The following PIBF1 variants were observed in gnomAD, a reference collection of about 807,000 sequenced individuals.
PIBF1 encodes the protein progesterone immunomodulatory binding factor 1.
In PIBF1, 90 loss-of-function variants were observed where a neutral mutation model predicts 112.5. The ratio of observed to expected loss-of-function variants is 0.80; its 90% CI spans 0.67 to 0.95. The LOEUF is 0.95. Among genes scored for constraint, PIBF1 ranks in the 40% least tolerant of loss-of-function variants. The pLI is 0.00. For synonymous variants in PIBF1, 301 were observed against 288.6 expected (o/e 1.04, Z -0.44); for missense variants, 915 against 852.3 (o/e 1.07, Z -0.92).
At chr13:72,971,260 T>C (rs1196055606) in intron 15 of PIBF1, among the ~76,000 whole-genome samples, 1 of 151,570 alleles carries the variant, frequency 6.6e-6, no homozygotes, top group Non-Finnish European at 1.5e-5. Flanking sequence ...TATACCGTGG[T>C]TATAAGTGTA....
intron 14 of PIBF1, among the ~76,000 whole-genome samples, chr13:72,952,211 G>C (rs186365085): frequency 1.3e-5 from 2 of 151,768 alleles, no homozygotes; most frequent in Non-Finnish European, 2.9e-5. Context: ...ACACCACCAT[G>C]CCCAGCTAAT....
At chr13:72,840,904 G>A (rs2138238447) in intron 9 of PIBF1, among the ~76,000 whole-genome samples, 1 of 152,294 alleles carries the variant, frequency 6.6e-6, no homozygotes, top group South Asian at 2.1e-4. Context: ...CTATACATTG[G>A]AGGATATTAA....
Position 72,797,888 on chromosome 13 carries a change from T to C in PIBF1, c.553-19T>C, listed in dbSNP as rs1240123642. On this transcript the variant is annotated intron_variant, in intron 4 of 17. Transcript: ENST00000326291. ...GTAATTTGGATTTAAGACTGCTTAT[T>C]AATTTAATTTTTTTCAAGGTTCGCT... 1.3e-6 allele frequency: 2 copies of C among 1,569,530 alleles called. No individual in the cohort carries two copies. Among genetic ancestry groups the C allele is most frequent in the Non-Finnish European group, 1.7e-6 (2 of 1,161,216 alleles).
At chr13:72,923,441 A>G (rs755480657) in intron 13 of PIBF1, among the ~76,000 whole-genome samples, 8 of 152,234 alleles carry the variant, frequency 5.3e-5, no homozygotes, top group Non-Finnish European at 1.2e-4. Flanking sequence ...TACAACCAAT[A>G]TACTGGTGGT....
chr13:72,814,959 A>G (rs972874366), intron 5 of PIBF1, among the ~76,000 whole-genome samples: 4 of 152,224 alleles, frequency 2.6e-5, no homozygotes, highest in African/African-American at 9.6e-5. Flanking sequence ...AACAGTTACC[A>G]TAGAGGTATT....
intron 14 of PIBF1, among the ~76,000 whole-genome samples, chr13:72,951,968 C>G (rs2042308862): frequency 6.6e-6 from 1 of 151,952 alleles, no homozygotes; most frequent in African/African-American, 2.4e-5. Context: ...GCCTCGGCCT[C>G]CCCAGGTGCA....
At chr13:72,975,825 C>G (rs528889684) in intron 16 of PIBF1, among the ~76,000 whole-genome samples, 5 of 152,208 alleles carry the variant, frequency 3.3e-5, no homozygotes, top group Admixed American at 2.6e-4. Context: ...AAACCTGATT[C>G]ATTCACTATG....
rs563392997 is a variant in PIBF1, at chr13:72,815,935, CA to C, written c.673-5912del. 2.0e-5 allele frequency among the ~76,000 whole-genome samples: 3 copies of C among 152,308 alleles called. No homozygotes were observed. In the South Asian group the frequency reaches 6.2e-4, roughly 32 times the overall value. Reference sequence around the variant, plus strand: ...ATGTGATACTTTTAAGATAATTTAGCAACTTGGTCTCTTTAACATTAAGATT... The same window carrying C: ...ATGTGATACTTTTAAGATAATTTAGCACTTGGTCTCTTTAACATTAAGATT... On this transcript the variant is annotated intron_variant, in intron 5 of 17. Transcript: ENST00000326291.
chr13:72,998,890 C>T lies in PIBF1; in HGVS notation c.2118C>T (p.Leu706=). The change falls in exon 17 of 18, where the codon CTC becomes CTT. Residue 706 remains leucine (L), a synonymous_variant. Transcript: ENST00000326291. ...HSKHSENSLL[L]TKTEPKHVTE... is the part of the protein sequence containing the mutation. The stretch of plus-strand genomic sequence containing the variant: ...AACATTCTGAGAACAGCTTACTTCT[C>T]ACTAAAACAGAACCAAAACATGTGA... 1 of 1,612,200 alleles carries T rather than the reference C, an allele frequency of 6.2e-7. No individual in the cohort carries two copies. The highest frequency in any genetic ancestry group is 8.5e-7 in the Non-Finnish European group (1 of 1,178,566).
intron 2 of PIBF1, 64 bp from the exon 3 acceptor site, chr13:72,792,383 A>G (rs1481601968): frequency 6.1e-6 from 6 of 988,030 alleles, no homozygotes; most frequent in Non-Finnish European, 9.3e-6. Flanking sequence ...AAATATGTTT[A>G]TTATGAAACT....
intron 5 of PIBF1, among the ~76,000 whole-genome samples, chr13:72,801,815 A>G (rs997075019): frequency 1.3e-5 from 2 of 152,216 alleles, no homozygotes; most frequent in African/African-American, 4.8e-5. Context: ...CACCATGGGA[A>G]CCATATGAAG....
chr13:72,926,720 T>TC (rs1484645518), intron 13 of PIBF1, among the ~76,000 whole-genome samples: 1 of 152,242 alleles, frequency 6.6e-6, no homozygotes, highest in East Asian at 1.9e-4. Context: ...CCCTAGCACT[T>TC]CATCCTCTAC....
chr13:72,948,699 C>A (rs995577852), intron 14 of PIBF1, among the ~76,000 whole-genome samples: 3 of 152,214 alleles, frequency 2.0e-5, no homozygotes, highest in Non-Finnish European at 4.4e-5. Context: ...AATTGATTCA[C>A]AGATCCACAG....
chr13:72,862,093 C>T (rs916107610), intron 10 of PIBF1, among the ~76,000 whole-genome samples: 1 of 151,762 alleles, frequency 6.6e-6, no homozygotes, highest in African/African-American at 2.4e-5. Flanking sequence ...GGGAAGAAAA[C>T]AAAATGGACC....
chr13:72,867,653 A>C (rs376495255), intron 10 of PIBF1, among the ~76,000 whole-genome samples: 13 of 152,108 alleles, frequency 8.5e-5, no homozygotes, highest in African/African-American at 2.9e-4. Flanking sequence ...ATTGTTAGCA[A>C]CTCATTCAAT....
chr13:72,785,018 G>C (rs1281932380), intron 2 of PIBF1, among the ~76,000 whole-genome samples: 1 of 151,934 alleles, frequency 6.6e-6, no homozygotes, highest in East Asian at 1.9e-4. Flanking sequence ...GATTACAAGT[G>C]CTCCCCACCA....
chr13:72,902,987 C>T (rs967580979), intron 11 of PIBF1, among the ~76,000 whole-genome samples: 2 of 151,886 alleles, frequency 1.3e-5, no homozygotes, highest in African/African-American at 2.4e-5. Flanking sequence ...CCTCTGCTTC[C>T]CCAGTTTAAG....
At chr13:72,814,298 T>C (rs1391631764) in intron 5 of PIBF1, among the ~76,000 whole-genome samples, 1 of 151,816 alleles carries the variant, frequency 6.6e-6, no homozygotes, top group Non-Finnish European at 1.5e-5. Flanking sequence ...TAGCCGGGCA[T>C]AGTGGCAGGC....
At chr13:72,981,248 T>G (rs1363167846) in intron 16 of PIBF1, among the ~76,000 whole-genome samples, 1 of 149,926 alleles carries the variant, frequency 6.7e-6, no homozygotes, top group Non-Finnish European at 1.5e-5. Flanking sequence ...CAAGACTCTG[T>G]CTCAAAAAAA....
Sources: allele counts gnomAD v4.1 joint callset (sites outside exome capture counted in the v4.1 genomes callset), GRCh38; gene constraint gnomAD v4.1.1; transcripts MANE v1.5; gene names NCBI Gene and HGNC (gene_info 2026-07-23, HGNC 2026-07-21).